The following NLGN1 variants were observed in gnomAD, a reference collection of about 807,000 sequenced individuals.
NLGN1 encodes the protein neuroligin-1.
In NLGN1, 12 loss-of-function variants were observed where a neutral mutation model predicts 65.5. The observed-to-expected ratio is 0.18, with a 90% CI of 0.12 to 0.30. The LOEUF (loss-of-function observed/expected upper bound fraction) is 0.30, where lower values mean the gene tolerates loss of function less well. Among genes scored for constraint, NLGN1 ranks in the 10% least tolerant of loss-of-function variants. The pLI, the probability that NLGN1 is intolerant of heterozygous loss-of-function variation, is 1.00. For missense variants in NLGN1, 750 were observed against 1,007.1 expected (o/e 0.74, Z 3.46); for synonymous variants, 350 against 359.5 (o/e 0.97, Z 0.30).
Position 173,827,401 on chromosome 3 carries a change from G to A in NLGN1, c.646+19569G>A, listed in dbSNP as rs149668503. Among the ~76,000 whole-genome samples, 76 of 152,108 alleles carry A rather than the reference G, an allele frequency of 5.0e-4. No individual in the cohort carries two copies. In the East Asian group the frequency reaches 6.6e-3, roughly 13 times the overall value. ...GAGATCAGAGAAAACTGTTCTCTTC[G>A]GAGAGAGGATGCCTGAGCTGGATTT... is the stretch of plus-strand genomic sequence containing the variant. On this transcript the variant is annotated intron_variant, in intron 4 of 6. Coordinates refer to ENST00000457714, the Ensembl canonical transcript of NLGN1.
chr3:173,873,981 A>G (rs1258313355), intron 4 of NLGN1, among the ~76,000 whole-genome samples: 1 of 152,202 alleles, frequency 6.6e-6, no homozygotes, highest in Non-Finnish European at 1.5e-5. Context: ...TAGACAACAC[A>G]CAGACCAAGG....
intron 3 of NLGN1, among the ~76,000 whole-genome samples, chr3:173,615,352 CT>C (rs1264520581): frequency 1.3e-5 from 2 of 152,064 alleles, no homozygotes; most frequent in African/African-American, 2.4e-5. Flanking sequence ...CCATCTGGCA[CT>C]TTGGGAAAGA....
At chr3:173,716,869 A>T (rs889919419) in intron 3 of NLGN1, among the ~76,000 whole-genome samples, 2 of 152,074 alleles carry the variant, frequency 1.3e-5, no homozygotes, top group Non-Finnish European at 2.9e-5. Context: ...AAGATATCGT[A>T]GCAACTGAAA....
chr3:174,034,011 T>C lies in NLGN1; in HGVS notation c.646+226179T>C, dbSNP rs143568543. Among the ~76,000 whole-genome samples, 22 of 152,038 alleles carry C rather than the reference T, an allele frequency of 1.4e-4. 1 individual carries two copies. The East Asian group carries it at 4.3e-3, about 29-fold the overall frequency. ...ACTAACTAAATAAATAAACTAAGCA[T>C]ATCATATTCAAGCTGCAGAAAACCA... On this transcript the variant is annotated intron_variant, in intron 4 of 6. Coordinates refer to ENST00000457714, the Ensembl canonical transcript of NLGN1.
chr3:174,120,124 T>G (rs1331864087), intron 4 of NLGN1, among the ~76,000 whole-genome samples: 3 of 152,122 alleles, frequency 2.0e-5, no homozygotes, highest in Non-Finnish European at 4.4e-5. Context: ...GTAAGGTTGT[T>G]TTAAGGGTTA....
At position 173,747,133 on chromosome 3, in the gene NLGN1, A is replaced by G. The variant is rs201606945; in HGVS notation, c.494-60547A>G. ...ATACCACGTGTATACGTGTGTGTGT[A>G]TATATATGTATATGTATATATGTGT... On this transcript the variant is annotated intron_variant, in intron 3 of 6. Transcript: ENST00000457714. Among the ~76,000 whole-genome samples the G allele has an allele frequency of 1.5e-5, 2 of 132,258 alleles. 1 individual carries two copies. Among genetic ancestry groups the G allele is most frequent in the Non-Finnish European group, 3.3e-5 (2 of 60,614 alleles). 86.8% of individuals were successfully genotyped at this position (132,258 alleles called of 152,430 possible).
chr3:173,919,010 C>G (rs1399740653), intron 4 of NLGN1, among the ~76,000 whole-genome samples: 2 of 152,030 alleles, frequency 1.3e-5, no homozygotes, highest in Non-Finnish European at 2.9e-5. Context: ...CAATTTCTGT[C>G]TCTGATTTTG....
intron 4 of NLGN1, among the ~76,000 whole-genome samples, chr3:174,120,108 A>G: frequency 6.6e-6 from 1 of 152,226 alleles, no homozygotes; most frequent in African/African-American, 2.4e-5. Flanking sequence ...AAATAAAATC[A>G]GAAATGTAAG....
intron 4 of NLGN1, among the ~76,000 whole-genome samples, chr3:173,897,804 C>T (rs1236549797): frequency 6.6e-6 from 1 of 152,154 alleles, no homozygotes; most frequent in Non-Finnish European, 1.5e-5. Context: ...GATTTCTTCT[C>T]TCCTTGTCAT....
chr3:174,145,117 A>G (rs1287097599), intron 4 of NLGN1, among the ~76,000 whole-genome samples: 1 of 152,176 alleles, frequency 6.6e-6, no homozygotes, highest in East Asian at 1.9e-4. Flanking sequence ...AGTTTTCTGC[A>G]TATGGCTAGC....
chr3:173,723,512 GAAGATATTAAATTCAA>G (rs1276250586), intron 3 of NLGN1, among the ~76,000 whole-genome samples: 1 of 152,066 alleles, frequency 6.6e-6, no homozygotes, highest in Non-Finnish European at 1.5e-5. Flanking sequence ...GAAACTTACT[GAAGATATTAAATTCAA>G]ATGTGTAGTC....
Position 173,416,308 on chromosome 3 carries a change from A to G in NLGN1, c.-390+17821A>G, listed in dbSNP as rs1396152965. On this transcript the variant is annotated intron_variant, in intron 1 of 6. Coordinates refer to ENST00000457714, the Ensembl canonical transcript of NLGN1. ...TCTTCATTTGCAAAATAGAGATAAT[A>G]TCTTCCTCATAGAATGAGAGGGTTT... 2.0e-5 allele frequency among the ~76,000 whole-genome samples: 3 copies of G among 152,320 alleles called. No homozygotes were observed. The East Asian group carries it at 5.8e-4, about 29-fold the overall frequency.
At chr3:173,605,701 G>A (rs1446254397) in intron 3 of NLGN1, 108 bp downstream of exon 3, 3 of 493,400 alleles carry the variant, frequency 6.1e-6, no homozygotes, top group Non-Finnish European at 1.1e-5. Context: ...ATGGTTAGGT[G>A]ATGTTTGGAA....
intron 4 of NLGN1, among the ~76,000 whole-genome samples, chr3:173,877,749 TTAAGA>T (rs1732411486): frequency 6.6e-6 from 1 of 152,196 alleles, no homozygotes; most frequent in African/African-American, 2.4e-5. Flanking sequence ...ATATCCAATT[TTAAGA>T]TAACAGCTAA....
intron 3 of NLGN1, among the ~76,000 whole-genome samples, chr3:173,633,863 A>G (rs1285835440): frequency 6.6e-6 from 1 of 152,148 alleles, no homozygotes; most frequent in Admixed American, 6.6e-5. Context: ...CTTTTTTTCC[A>G]TAACCCTTTC....
intron 1 of NLGN1, among the ~76,000 whole-genome samples, chr3:173,419,940 TC>T (rs1330621370): frequency 6.7e-6 from 1 of 150,160 alleles, no homozygotes; most frequent in East Asian, 1.9e-4. Flanking sequence ...ACCATTGCAC[TC>T]CAGCCTGGCG....
intron 4 of NLGN1, among the ~76,000 whole-genome samples, chr3:173,879,537 G>C (rs1412865859): frequency 6.6e-6 from 1 of 151,974 alleles, no homozygotes; most frequent in Non-Finnish European, 1.5e-5. Flanking sequence ...TATAATAGCT[G>C]TTTAAAATCC....
At chr3:173,988,235 C>T (rs367948619) in intron 4 of NLGN1, among the ~76,000 whole-genome samples, 16 of 152,034 alleles carry the variant, frequency 1.1e-4, no homozygotes, top group African/African-American at 3.4e-4. Flanking sequence ...AGTCAGGGGA[C>T]TAGAATTGGG....
At chr3:173,602,673 T>G (rs1750735292) in intron 2 of NLGN1, among the ~76,000 whole-genome samples, 1 of 152,008 alleles carries the variant, frequency 6.6e-6, no homozygotes, top group African/African-American at 2.4e-5. Flanking sequence ...AAAATTAGGT[T>G]GAATAAAACA....
Sources: allele counts gnomAD v4.1 joint callset (sites outside exome capture counted in the v4.1 genomes callset), GRCh38; gene constraint gnomAD v4.1.1; transcripts MANE v1.5; gene names NCBI Gene and HGNC (gene_info 2026-07-23, HGNC 2026-07-21).